ABCG8: variants seen among roughly 807,000 people sequenced by gnomAD.
ABCG8 encodes ATP binding cassette subfamily G member 8.
A neutral mutation model predicts 71.3 loss-of-function variants in ABCG8; 81 were observed. That is an observed-to-expected ratio of 1.14 (90% CI 0.95 to 1.37). ABCG8 has a LOEUF of 1.37. Among genes scored for constraint, ABCG8 ranks in the 40% most tolerant of loss-of-function variants. The pLI is 0.00. For synonymous variants in ABCG8, 451 were observed against 354.7 expected, an observed-to-expected ratio of 1.27 and a Z score of -3.05; for missense variants, 1,119 against 866.2, an observed-to-expected ratio of 1.29 and a Z score of -3.66.
intron 9 of ABCG8, 39 bp from the exon 10 acceptor site, chr2:43,874,368 C>G: frequency 1.4e-6 from 2 of 1,450,644 alleles, no homozygotes; most frequent in East Asian, 2.3e-5. Context: ...TAGATTTATT[C>G]TACTTCTTCA....
chr2:43,847,053 T>A (rs1213059940), intron 3 of ABCG8: 5 of 150,962 alleles, frequency 3.3e-5, no homozygotes, highest in Non-Finnish European at 1.5e-5. Flanking sequence ...ATGAGGAGAC[T>A]CAAATCCAAA....
rs202198142 is a variant in ABCG8, at chr2:43,852,434, G to C, written c.642G>C (p.Ser214=). 2 of 1,612,728 alleles carry C rather than the reference G, an allele frequency of 1.2e-6. No homozygotes were observed. Among genetic ancestry groups the C allele is most frequent in the Admixed American group, 3.3e-5 (2 of 60,022 alleles). ...RVGNMYVRGL[S]GGERRRVSIG... ...GCAACATGTACGTGCGGGGGTTGTCGGGGGGTGAGCGCAGGAGAGTCAGCA... is the reference window on the plus strand; with the variant it reads ...GCAACATGTACGTGCGGGGGTTGTCCGGGGGTGAGCGCAGGAGAGTCAGCA... The change falls in exon 5 of 13, where the codon TCG becomes TCC. Residue 214 remains serine, a synonymous_variant. Coordinates refer to ENST00000272286, the MANE Select transcript of ABCG8 (RefSeq NM_022437.3).
At chr2:43,873,273 C>A (rs1281214191) in intron 8 of ABCG8, among the ~76,000 whole-genome samples, 1 of 151,882 alleles carries the variant, frequency 6.6e-6, no homozygotes. Flanking sequence ...ACTGCAACCT[C>A]CGCCTCCCAG....
intron 6 of ABCG8, among the ~76,000 whole-genome samples, chr2:43,861,172 T>G (rs73924046): frequency 2.0e-5 from 3 of 151,410 alleles, no homozygotes; most frequent in African/African-American, 7.3e-5. Context: ...CTGGATAGAA[T>G]TCTCACCATC....
chr2:43,869,805 A>T (rs1669692350), intron 6 of ABCG8, among the ~76,000 whole-genome samples: 1 of 152,102 alleles, frequency 6.6e-6, no homozygotes, highest in Non-Finnish European at 1.5e-5. Context: ...CTATCTGGAT[A>T]GAATTCTCAC....
At chr2:43,859,898 A>G (rs1276713574) in intron 6 of ABCG8, among the ~76,000 whole-genome samples, 1 of 151,358 alleles carries the variant, frequency 6.6e-6, no homozygotes, top group Non-Finnish European at 1.5e-5. Context: ...TCTGGATAGA[A>G]TTCTCATTCT....
intron 6 of ABCG8, among the ~76,000 whole-genome samples, chr2:43,860,791 T>G (rs934311332): frequency 7.3e-6 from 1 of 136,758 alleles, no homozygotes; most frequent in African/African-American, 2.8e-5. Context: ...TATAGAATTC[T>G]CACCCTCTGG....
chr2:43,873,689 A>C, intron 8 of ABCG8, 98 bp from the exon 9 acceptor site: 1 of 1,239,940 alleles, frequency 8.1e-7, no homozygotes, highest in Non-Finnish European at 1.2e-6. Context: ...CCCATTTTGC[A>C]TAGGAGAAAA....
At chr2:43,842,070 G>A (rs923572036) in intron 1 of ABCG8, among the ~76,000 whole-genome samples, 2 of 151,926 alleles carry the variant, frequency 1.3e-5, no homozygotes, top group Admixed American at 6.5e-5. Flanking sequence ...GCAGAGGCAC[G>A]ATCTCGGCTC....
rs375005392 is a variant in ABCG8 at position 43,851,622 on chromosome 2, C to G, written c.361C>G (p.Arg121Gly). Residue 121 changes from arginine (R) to glycine (G), a missense_variant, in exon 4 of 13, where the codon CGA (arginine) becomes GGA (glycine). Physicochemically the swap from Arg to Gly is moderately radical, Grantham distance 125 (BLOSUM62 -2). Coordinates refer to ENST00000272286, the MANE Select transcript of ABCG8 (RefSeq NM_022437.3). The stretch of plus-strand genomic sequence containing the variant: ...CTCCTTGCTAGATGTGATCACTGGC[C>G]GAGGTCACGGCGGCAAGATCAAGTC... ...RASLLDVITGRGHGGKIKSGQ... is the reference protein window; with the variant it reads ...RASLLDVITGGGHGGKIKSGQ... The G allele has an allele frequency of 6.2e-6, 10 of 1,614,072 alleles. No homozygotes were observed. The African/African-American group carries it at 1.1e-4, about 17-fold the overall frequency.
intron 1 of ABCG8, among the ~76,000 whole-genome samples, chr2:43,840,911 G>A (rs1299138841): frequency 1.3e-5 from 2 of 152,316 alleles, no homozygotes; most frequent in South Asian, 2.1e-4. Flanking sequence ...TTGGGCCTGG[G>A]AAGAGGTGTA....
intron 1 of ABCG8, among the ~76,000 whole-genome samples, chr2:43,840,601 G>A (rs887151449): frequency 6.6e-6 from 1 of 152,228 alleles, no homozygotes; most frequent in Non-Finnish European, 1.5e-5. Flanking sequence ...AAAGTCATCA[G>A]TCAAGCTATA....
At chr2:43,861,942 C>T (rs58004649) in intron 6 of ABCG8, among the ~76,000 whole-genome samples, 7,749 of 149,186 alleles carry the variant, frequency 0.052, 246 homozygotes, top group Middle Eastern at 0.12. Flanking sequence ...CTATCTACCT[C>T]GATATAATTC....
Position 43,851,146 on chromosome 2 carries a change from G to A in ABCG8, c.323-438G>A, listed in dbSNP as rs554778774. Among the ~76,000 whole-genome samples the A allele has an allele frequency of 7.8e-4, 118 of 152,232 alleles. 1 individual carries two copies. Among genetic ancestry groups the A allele is most frequent in the Admixed American group, 2.7e-3 (41 of 15,288 alleles). On this transcript the variant is annotated intron_variant, in intron 3 of 12. Transcript: ENST00000272286. Reference sequence around the variant, plus strand: ...CACAAAGCCAGCTTCTGAGCCAACCGACATTGAATAATGAGACATTGCTGG... The same window carrying A: ...CACAAAGCCAGCTTCTGAGCCAACCAACATTGAATAATGAGACATTGCTGG...
At chr2:43,843,311 GCT>G (rs1440960104) in intron 1 of ABCG8, among the ~76,000 whole-genome samples, 1 of 152,224 alleles carries the variant, frequency 6.6e-6, no homozygotes, top group Non-Finnish European at 1.5e-5. Context: ...GAGAATGGTA[GCT>G]TGAGGAGGAA....
At chr2:43,851,097 C>G (rs559001087) in intron 3 of ABCG8, among the ~76,000 whole-genome samples, 1 of 152,312 alleles carries the variant, frequency 6.6e-6, no homozygotes, top group East Asian at 1.9e-4. Flanking sequence ...AAAAGACGCT[C>G]TATAAATGCT....
In ABCG8 at chr2:43,875,597, T is replaced by A. The variant is rs2104949754; in HGVS notation, c.1756+184T>A. ...GAATGATTCCATTAGAGATTCCAGA[T>A]GCACCTCCTCCTATCCCACAGCTGA... On this transcript the variant is annotated intron_variant, in intron 11 of 12. Transcript: ENST00000272286. 2.6e-5 allele frequency among the ~76,000 whole-genome samples: 4 copies of A among 152,350 alleles called. 1 individual carries two copies. In the Middle Eastern group the frequency reaches 0.014, roughly 518 times the overall value.
At chr2:43,873,174 C>G (rs1360119853) in intron 8 of ABCG8, among the ~76,000 whole-genome samples, 2 of 150,626 alleles carry the variant, frequency 1.3e-5, no homozygotes, top group Non-Finnish European at 2.9e-5. Flanking sequence ...AGGCAGCAGA[C>G]ATCATTGAGC....
chr2:43,859,391 C>A (rs1006711157), intron 6 of ABCG8, among the ~76,000 whole-genome samples: 1 of 151,374 alleles, frequency 6.6e-6, no homozygotes, highest in African/African-American at 2.4e-5. Context: ...CTGGATAGCG[C>A]TCTTACTATC....
Sources: allele counts gnomAD v4.1 joint callset (sites outside exome capture counted in the v4.1 genomes callset), GRCh38; gene constraint gnomAD v4.1.1; transcripts MANE v1.5; gene names NCBI Gene and HGNC (gene_info 2026-07-23, HGNC 2026-07-21).